The following NRXN3 variants were observed in gnomAD, a reference collection of about 807,000 sequenced individuals.
The protein encoded by NRXN3 is neurexin 3.
Under a neutral mutation model 137.6 loss-of-function variants are expected in NRXN3, and 32 were observed. The observed-to-expected ratio is 0.23, with a 90% CI of 0.18 to 0.31. The LOEUF (loss-of-function observed/expected upper bound fraction) is 0.31. Among genes scored for constraint, NRXN3 ranks in the 10% least tolerant of loss-of-function variants. The probability of loss-of-function intolerance (pLI) is 1.00; values close to 1 mark genes in which losing one functional copy is unlikely to be tolerated. For synonymous variants in NRXN3, 798 were observed against 784.5 expected (o/e 1.02, Z -0.29); for missense variants, 1,574 against 2,062.5 (o/e 0.76, Z 4.59).
chr14:78,349,701 C>G (rs1047001235), intron 4 of NRXN3, among the ~76,000 whole-genome samples: 1 of 152,158 alleles, frequency 6.6e-6, no homozygotes, highest in Non-Finnish European at 1.5e-5. Context: ...TTTGCATTCC[C>G]CTTCAAGGAC....
intron 20 of NRXN3, among the ~76,000 whole-genome samples, chr14:79,813,856 A>G (rs759524801): frequency 5.3e-5 from 8 of 152,262 alleles, no homozygotes; most frequent in Non-Finnish European, 1.0e-4. Flanking sequence ...AGAAAAACAC[A>G]TAGAAATGAC....
intron 3 of NRXN3, among the ~76,000 whole-genome samples, chr14:78,296,491 C>G (rs1484109497): frequency 6.6e-6 from 1 of 152,154 alleles, no homozygotes; most frequent in Non-Finnish European, 1.5e-5. Flanking sequence ...TTTCTCCTCT[C>G]TTCTTACTAT....
At chr14:79,327,020 A>C (rs953938202) in intron 15 of NRXN3, among the ~76,000 whole-genome samples, 9 of 152,160 alleles carry the variant, frequency 5.9e-5, no homozygotes, top group African/African-American at 2.2e-4. Flanking sequence ...GGAGAATTAG[A>C]AGCAAATTTG....
chr14:79,784,169 CA>C (rs932160415), intron 19 of NRXN3, among the ~76,000 whole-genome samples: 1 of 151,752 alleles, frequency 6.6e-6, no homozygotes, highest in Non-Finnish European at 1.5e-5. Context: ...CTAATAAAAA[CA>C]AAAAAAATGT....
chr14:78,914,152 C>T (rs1415826449), intron 10 of NRXN3, among the ~76,000 whole-genome samples: 2 of 152,292 alleles, frequency 1.3e-5, no homozygotes, highest in East Asian at 3.9e-4. Flanking sequence ...GGTCTCCAAC[C>T]AACACCTCAT....
intron 19 of NRXN3, among the ~76,000 whole-genome samples, chr14:79,752,416 T>C (rs1478775209): frequency 6.6e-6 from 1 of 152,080 alleles, no homozygotes; most frequent in African/African-American, 2.4e-5. Context: ...TAACGCTGCA[T>C]ATCTACAACT....
chr14:79,176,802 G>A (rs1381661034), intron 15 of NRXN3, among the ~76,000 whole-genome samples: 3 of 152,074 alleles, frequency 2.0e-5, no homozygotes, highest in Admixed American at 6.6e-5. Flanking sequence ...ATCAATTGTT[G>A]CACTTTTTAT....
chr14:79,275,326 A>T (rs1403613335), intron 15 of NRXN3, among the ~76,000 whole-genome samples: 1 of 151,930 alleles, frequency 6.6e-6, no homozygotes, highest in Non-Finnish European at 1.5e-5. Flanking sequence ...TGGAAAAAAA[A>T]AGGGTCTTCA....
chr14:78,813,988 T>C (rs1198899885), intron 10 of NRXN3, among the ~76,000 whole-genome samples: 1 of 152,220 alleles, frequency 6.6e-6, no homozygotes, highest in Non-Finnish European at 1.5e-5. Flanking sequence ...TTCTCTTTTT[T>C]AATACTTTGT....
In NRXN3 at chr14:79,461,592, T is replaced by C. The variant is rs10135932; in HGVS notation, c.3263-5629T>C. On this transcript the variant is annotated intron_variant, in intron 15 of 20. Coordinates refer to ENST00000335750, the MANE Select transcript of NRXN3 (RefSeq NM_001330195.2). ...TTACGAGATCCTTCAGTTAAATTTA[T>C]GTCTCTATTTGCTAGAAGAGATATT... Among the ~76,000 whole-genome samples the C allele has an allele frequency of 2.8e-3, 428 of 152,352 alleles. 4 individuals carry two copies. Among genetic ancestry groups the C allele is most frequent in the African/African-American group, 0.01 (416 of 41,590 alleles).
intron 15 of NRXN3, among the ~76,000 whole-genome samples, chr14:79,382,533 TC>T (rs2094499317): frequency 6.6e-6 from 1 of 152,116 alleles, no homozygotes; most frequent in Admixed American, 6.6e-5. Context: ...ACAATTGTTC[TC>T]CCCAATCTGG....
At chr14:79,129,229 G>A (rs1216555077) in intron 15 of NRXN3, among the ~76,000 whole-genome samples, 3 of 150,954 alleles carry the variant, frequency 2.0e-5, no homozygotes, top group Non-Finnish European at 2.9e-5. Flanking sequence ...GCTTTTGAAT[G>A]TGTTTGCTCT....
At chr14:79,827,773 C>T (rs2099309770) in intron 20 of NRXN3, among the ~76,000 whole-genome samples, 1 of 149,990 alleles carries the variant, frequency 6.7e-6, no homozygotes, top group Non-Finnish European at 1.5e-5. Flanking sequence ...CGGCTCACTG[C>T]AACTTCCACC....
At chr14:78,498,193 G>A (rs984164490) in intron 4 of NRXN3, among the ~76,000 whole-genome samples, 8 of 152,196 alleles carry the variant, frequency 5.3e-5, no homozygotes, top group African/African-American at 1.9e-4. Flanking sequence ...CAGTGTGTCT[G>A]TAGAAGTCCA....
At chr14:78,540,435 C>CTT (rs537566835) in intron 4 of NRXN3, among the ~76,000 whole-genome samples, 34,005 of 115,714 alleles carry the variant, frequency 0.29, 5,295 homozygotes, top group Non-Finnish European at 0.35. Flanking sequence ...GCAACCCCTG[C>CTT]TTTTTTTTTT....
intron 4 of NRXN3, among the ~76,000 whole-genome samples, chr14:78,463,749 T>C (rs2095003460): frequency 7.6e-6 from 1 of 131,160 alleles, no homozygotes; most frequent in Non-Finnish European, 1.7e-5. Flanking sequence ...CAGAATTCTC[T>C]TCCTGTTTAT....
At chr14:78,989,646 G>A (rs1324454148) in intron 15 of NRXN3, among the ~76,000 whole-genome samples, 2 of 152,148 alleles carry the variant, frequency 1.3e-5, no homozygotes, top group African/African-American at 4.8e-5. Context: ...TATAAACCCA[G>A]CCAGCCAGAG....
At chr14:79,490,684 T>G (rs539306697) in intron 16 of NRXN3, among the ~76,000 whole-genome samples, 2 of 148,618 alleles carry the variant, frequency 1.3e-5, no homozygotes, top group Admixed American at 6.7e-5. Flanking sequence ...GAAGTGGGGG[T>G]TGGGGGAGGT....
chr14:78,364,923 A>G (rs1341676709), intron 4 of NRXN3, among the ~76,000 whole-genome samples: 7 of 152,188 alleles, frequency 4.6e-5, no homozygotes, highest in Admixed American at 3.3e-4. Flanking sequence ...AAACTCATCC[A>G]CCACAAATAT....
Sources: allele counts gnomAD v4.1 joint callset (sites outside exome capture counted in the v4.1 genomes callset), GRCh38; gene constraint gnomAD v4.1.1; transcripts MANE v1.5; gene names NCBI Gene and HGNC (gene_info 2026-07-23, HGNC 2026-07-21).